PLXNA2: variants seen among roughly 807,000 people sequenced by gnomAD.
PLXNA2 encodes the protein plexin-A2.
A neutral mutation model predicts 193.5 loss-of-function variants in PLXNA2; 91 were observed. The observed-to-expected ratio is 0.47, with a 90% CI of 0.40 to 0.56. The LOEUF is 0.56. Ranked by LOEUF, PLXNA2 falls within the 20% of genes least tolerant of loss-of-function variation. The pLI, the probability that PLXNA2 is intolerant of heterozygous loss-of-function variation, is 0.00. For missense variants in PLXNA2, 1,995 were observed against 2,503.2 expected, an observed-to-expected ratio of 0.80 and a Z score of 4.33; for synonymous variants, 997 against 1,027.3, an observed-to-expected ratio of 0.97 and a Z score of 0.56.
intron 3 of PLXNA2, among the ~76,000 whole-genome samples, chr1:208,197,741 C>T (rs1308863068): frequency 6.6e-6 from 1 of 152,218 alleles, no homozygotes; most frequent in African/African-American, 2.4e-5. Flanking sequence ...TAAAGCAGAA[C>T]TTCCTGGCTA....
At chr1:208,134,041 C>T (rs1267134711) in intron 4 of PLXNA2, among the ~76,000 whole-genome samples, 2 of 152,190 alleles carry the variant, frequency 1.3e-5, no homozygotes, top group Non-Finnish European at 2.9e-5. Flanking sequence ...TCTCCAACCC[C>T]CTTGCCCATT....
At position 208,211,198 on chromosome 1, in the gene PLXNA2, T is replaced by A. The variant is rs960872394; in HGVS notation, c.1189-736A>T. Among the ~76,000 whole-genome samples, 3 of 152,338 alleles carry A rather than the reference T, an allele frequency of 2.0e-5. No homozygotes were observed. The East Asian group carries it at 5.8e-4, about 29-fold the overall frequency. On this transcript the variant is annotated intron_variant, in intron 2 of 31. Transcript: ENST00000367033. Reference sequence around the variant, plus strand: ...CAAATGAAATAATGCATGCAAAAGATTTGTGTTAAGTTGTCCAACTCTTTC... The same window carrying A: ...CAAATGAAATAATGCATGCAAAAGAATTGTGTTAAGTTGTCCAACTCTTTC...
At chr1:208,104,413 TA>T (rs2102419993) in intron 4 of PLXNA2, among the ~76,000 whole-genome samples, 1 of 152,340 alleles carries the variant, frequency 6.6e-6, no homozygotes, top group African/African-American at 2.4e-5. Context: ...CCCAGAACCC[TA>T]CGGTCCAGTG....
At chr1:208,029,477 C>T (rs1017443318) in intron 29 of PLXNA2, 19 of 1,012,090 alleles carry the variant, frequency 1.9e-5, no homozygotes, top group East Asian at 1.9e-4. Context: ...GGCTCAGCCT[C>T]GGAGCAGGCA....
chr1:208,112,822 G>A (rs550135042), intron 4 of PLXNA2, among the ~76,000 whole-genome samples: 24 of 152,220 alleles, frequency 1.6e-4, no homozygotes, highest in African/African-American at 5.3e-4. Context: ...TAAGCTCAGC[G>A]TGCTAAGGAT....
intron 17 of PLXNA2, among the ~76,000 whole-genome samples, chr1:208,050,531 TA>T (rs2102333308): frequency 6.6e-6 from 1 of 152,354 alleles, no homozygotes; most frequent in East Asian, 1.9e-4. Flanking sequence ...ACTGTCATTA[TA>T]ATATAAAAAT....
Position 208,217,972 on chromosome 1 carries a change from T to C in PLXNA2, c.-50A>G, listed in dbSNP as rs1292391529. ...ACGGCTCCTGTGTGTGCTCATCTGCTCCACCTTCCCCGGTTGGCCCTCACA... is the reference window on the plus strand; with the variant it reads ...ACGGCTCCTGTGTGTGCTCATCTGCCCCACCTTCCCCGGTTGGCCCTCACA... On this transcript the variant is annotated 5_prime_UTR_variant, in exon 2 of 32. Transcript: ENST00000367033. This position sits in a 1 kb window ranked among gnomAD's most constrained non-coding sequence, Gnocchi z 4.7. 1.3e-6 allele frequency: 2 copies of C among 1,589,644 alleles called. No homozygotes were observed. The highest frequency in any genetic ancestry group is 1.3e-5 in the African/African-American group (1 of 74,714).
At position 208,082,305 on chromosome 1, in the gene PLXNA2, G is replaced by T. The variant is rs17011888; in HGVS notation, c.2395+107C>A. ...CTCTGAAGAGTTCCGCCGACAGAGG[G>T]AGTGTATTATTCATGGCACAGCGGC... On this transcript the variant is annotated intron_variant, in intron 11 of 31. Transcript: ENST00000367033. The surrounding 1 kb of genome is among the most constrained non-coding windows in gnomAD (Gnocchi z 4.2). 9.5e-3 allele frequency: 7,639 copies of T among 806,222 alleles called. 88 individuals are homozygous for T. The highest frequency in any genetic ancestry group is 0.031 in the Middle Eastern group (137 of 4,350). The allele number at this position is 806,222 out of a possible 1,614,324, so 49.9% of individuals were successfully genotyped here.
intron 5 of PLXNA2, among the ~76,000 whole-genome samples, chr1:208,101,463 G>A (rs1438309671): frequency 1.3e-5 from 2 of 152,210 alleles, no homozygotes; most frequent in Non-Finnish European, 2.9e-5. Flanking sequence ...TTCTCCGCGA[G>A]CTCTTGGGGC....
chr1:208,030,724 T>A, intron 29 of PLXNA2: 1 of 985,456 alleles, frequency 1.0e-6, no homozygotes. Flanking sequence ...GACCGCTAAC[T>A]CCAGACAGCT....
chr1:208,031,428 G>A (rs1664499470), intron 29 of PLXNA2, 162 bp downstream of exon 29: 16 of 1,301,174 alleles, frequency 1.2e-5, no homozygotes, highest in Non-Finnish European at 1.4e-5. Flanking sequence ...GACCGTGTGG[G>A]CTCTGCAGAG....
At chr1:208,193,052 C>CT (rs1670235560) in intron 3 of PLXNA2, among the ~76,000 whole-genome samples, 1 of 152,184 alleles carries the variant, frequency 6.6e-6, no homozygotes, top group Non-Finnish European at 1.5e-5. Flanking sequence ...CACAGACCCC[C>CT]TGAATCCTGG....
intron 5 of PLXNA2, among the ~76,000 whole-genome samples, chr1:208,101,280 G>A (rs766972319): frequency 2.0e-5 from 3 of 152,044 alleles, no homozygotes; most frequent in East Asian, 3.9e-4. Context: ...CTCAGCCCTC[G>A]GCCTCCATTA....
chr1:208,063,428 C>T (rs1226361173), intron 12 of PLXNA2, among the ~76,000 whole-genome samples: 1 of 152,178 alleles, frequency 6.6e-6, no homozygotes, highest in Non-Finnish European at 1.5e-5. Flanking sequence ...AGGCATAATT[C>T]AGCTTATATT....
chr1:208,088,313 G>T (rs1425807449), intron 9 of PLXNA2, among the ~76,000 whole-genome samples: 1 of 152,212 alleles, frequency 6.6e-6, no homozygotes, highest in Non-Finnish European at 1.5e-5. Context: ...AGCGTTCTGT[G>T]CTGGGGACCC....
At chr1:208,133,534 C>T (rs1160956734) in intron 4 of PLXNA2, among the ~76,000 whole-genome samples, 3 of 152,224 alleles carry the variant, frequency 2.0e-5, no homozygotes, top group Non-Finnish European at 4.4e-5. Flanking sequence ...ATGCAAATGA[C>T]TTGTCAGTGG....
chr1:208,117,166 G>A (rs1433497191), intron 4 of PLXNA2, among the ~76,000 whole-genome samples: 2 of 152,186 alleles, frequency 1.3e-5, no homozygotes, highest in East Asian at 3.9e-4. Flanking sequence ...GCAAGACTCT[G>A]TCTCACATAA....
At chr1:208,047,378 A>G (rs1435860693) in intron 17 of PLXNA2, among the ~76,000 whole-genome samples, 1 of 152,186 alleles carries the variant, frequency 6.6e-6, no homozygotes, top group African/African-American at 2.4e-5. Context: ...TTTCTCTTGG[A>G]GGTCTCTGGT....
chr1:208,071,189 G>T (rs779308475), intron 12 of PLXNA2, among the ~76,000 whole-genome samples: 2 of 152,202 alleles, frequency 1.3e-5, no homozygotes, highest in Admixed American at 6.5e-5. Context: ...AAGAGGTGCC[G>T]AAGAAGCCAC....
Sources: allele counts gnomAD v4.1 joint callset (sites outside exome capture counted in the v4.1 genomes callset), GRCh38; gene constraint gnomAD v4.1.1; non-coding constraint Gnocchi (gnomAD v3.1); transcripts MANE v1.5; gene names NCBI Gene and HGNC (gene_info 2026-07-23, HGNC 2026-07-21).